Variants in LIPH observed in about 807,000 individuals in gnomAD.
LIPH encodes the protein lipase member H.
LIPH carries 32 observed loss-of-function variants against 47.6 expected under a neutral mutation model. The observed-to-expected ratio is 0.67, with a 90% confidence interval of 0.51 to 0.90. The LOEUF (loss-of-function observed/expected upper bound fraction) is 0.90, where lower values mean the gene tolerates loss of function less well. LIPH is among the 40% of genes least tolerant of loss of function. The pLI is 0.00. For missense variants in LIPH, 497 were observed against 541.4 expected (o/e 0.92, Z 0.81); for synonymous variants, 190 against 195.6 (o/e 0.97, Z 0.24).
intron 9 of LIPH, among the ~76,000 whole-genome samples, chr3:185,510,192 G>A (rs1262533354): frequency 2.0e-5 from 3 of 151,948 alleles, no homozygotes; most frequent in Admixed American, 1.3e-4. Context: ...CAGGTGATCC[G>A]CCCACTTTGG....
At chr3:185,538,391 A>T (rs542679499) in intron 1 of LIPH, among the ~76,000 whole-genome samples, 1 of 152,196 alleles carries the variant, frequency 6.6e-6, no homozygotes, top group Non-Finnish European at 1.5e-5. Context: ...GACATGTGTC[A>T]TATAAAAGAG....
intron 5 of LIPH, among the ~76,000 whole-genome samples, chr3:185,522,671 AAAGAAAGAAAGAAAGAAAG>A (rs1167260090): frequency 2.9e-5 from 1 of 34,086 alleles, no homozygotes; most frequent in African/African-American, 1.6e-4. Flanking sequence ...AGAAAGAAAG[AAAGAAAGAAAGAAAGAAAG>A]AAAGAAAGAA....
chr3:185,534,687 G>T, intron 2 of LIPH, 78 bp downstream of exon 2: 1 of 1,451,272 alleles, frequency 6.9e-7, no homozygotes, highest in Non-Finnish European at 9.6e-7. Flanking sequence ...GCTCACTGTA[G>T]CTATCTCTTG....
In LIPH at chr3:185,534,969, GGTTTTCTT is replaced by G. The variant is rs2148959680; in HGVS notation, c.205_212del (p.Lys69HisfsTer19). The G allele has an allele frequency of 6.2e-7, 1 of 1,613,904 alleles. No homozygotes were observed. On this transcript the variant is annotated frameshift_variant, in exon 2 of 10. Coordinates refer to ENST00000296252, the MANE Select transcript of LIPH (RefSeq NM_139248.3). ...GCCTGAATCCATGGACAATGAAGGT[GGTTTTCTT>G]GGTCACATTCAAGTTCCCAAAAGCT...
chr3:185,545,679 C>G (rs551936), intron 1 of LIPH, among the ~76,000 whole-genome samples: 125,507 of 152,032 alleles, frequency 0.83, 52,168 homozygotes, highest in East Asian at 0.97. Context: ...TGGGAGACCA[C>G]CCTGGGCAAC....
intron 3 of LIPH, 59 bp downstream of exon 3, chr3:185,533,512 A>G (rs983724908): frequency 1.8e-6 from 2 of 1,092,086 alleles, no homozygotes; most frequent in African/African-American, 1.5e-5. Context: ...CCTACATAAT[A>G]CTCCCCCAGT....
In LIPH at chr3:185,514,538, G is replaced by T. The variant is rs745374447; in HGVS notation, c.983-17C>A. 2 of 941,320 alleles carry T rather than the reference G, an allele frequency of 2.1e-6. No homozygotes were observed. The highest frequency in any genetic ancestry group is 2.4e-5 in the East Asian group (1 of 41,894). The allele number at this position is 941,320 out of a possible 1,614,324, so 58.3% of individuals were successfully genotyped here. ...AATGATACACTGCAAAACAGAGAGAGAACACGGTAAGAGAGAGATACTACC... is the reference window on the plus strand; with the variant it reads ...AATGATACACTGCAAAACAGAGAGATAACACGGTAAGAGAGAGATACTACC... On this transcript the variant is annotated splice_polypyrimidine_tract_variant and intron_variant, in intron 7 of 9. Transcript: ENST00000296252.
At chr3:185,547,508 T>C (rs921600124) in intron 1 of LIPH, among the ~76,000 whole-genome samples, 4 of 152,146 alleles carry the variant, frequency 2.6e-5, no homozygotes, top group Non-Finnish European at 4.4e-5. Flanking sequence ...ACTGACTTGA[T>C]GCTGCCTGAA....
chr3:185,517,313 G>C (rs906191911), intron 6 of LIPH, 151 bp from the exon 7 acceptor site: 38 of 633,734 alleles, frequency 6.0e-5, no homozygotes, highest in Non-Finnish European at 1.0e-4. Flanking sequence ...GGGCCTGCAG[G>C]GTGACCCATC....
At chr3:185,522,654 G>GAAAAGAA (rs761771609) in intron 5 of LIPH, among the ~76,000 whole-genome samples, 2 of 30,670 alleles carry the variant, frequency 6.5e-5, no homozygotes, top group Non-Finnish European at 1.2e-4. Flanking sequence ...GAAAGAAAAA[G>GAAAAGAA]AAAGAAAGAA....
intron 2 of LIPH, among the ~76,000 whole-genome samples, 196 bp from the exon 3 acceptor site, chr3:185,533,875 G>A (rs984104017): frequency 1.3e-5 from 2 of 152,192 alleles, no homozygotes; most frequent in African/African-American, 4.8e-5. Context: ...GAGGCCCTAA[G>A]CTGAAGTCAT....
chr3:185,511,536 G>GC lies in LIPH; in HGVS notation c.1255dup (p.Ala419GlyfsTer12). On this transcript the variant is annotated frameshift_variant, in exon 9 of 10. Transcript: ENST00000296252. ...ACCCTCAGCTCACCTCTCCGGATGG[G>GC]CAAGGGACCTTAACTTCATTCGGAG... The GC allele has an allele frequency of 6.2e-7, 1 of 1,614,100 alleles. No homozygotes were observed. Among genetic ancestry groups the GC allele is most frequent in the Non-Finnish European group, 8.5e-7 (1 of 1,179,984 alleles).
chr3:185,509,596 G>A (rs1403675099), intron 9 of LIPH, among the ~76,000 whole-genome samples: 1 of 151,876 alleles, frequency 6.6e-6, no homozygotes, highest in Non-Finnish European at 1.5e-5. Flanking sequence ...CGCTACTACT[G>A]TACTCCAGCC....
intron 1 of LIPH, among the ~76,000 whole-genome samples, chr3:185,543,570 C>T (rs73885749): frequency 0.25 from 37,758 of 152,066 alleles, 4,826 homozygotes; most frequent in African/African-American, 0.31. Flanking sequence ...ACATAACTAA[C>T]ACAAATACTG....
At chr3:185,518,566 T>C (rs758378414) in intron 6 of LIPH, among the ~76,000 whole-genome samples, 15 of 151,208 alleles carry the variant, frequency 9.9e-5, no homozygotes, top group East Asian at 2.0e-4. Flanking sequence ...AGGCGTGAGC[T>C]ACCATGCCCA....
chr3:185,537,189 C>T (rs507293), intron 1 of LIPH, among the ~76,000 whole-genome samples: 140,945 of 152,286 alleles, frequency 0.93, 65,479 homozygotes, highest in East Asian at 0.99. Context: ...CCAGCCAAGC[C>T]TGCCATTTTA....
chr3:185,546,498 A>C (rs866654173), intron 1 of LIPH, among the ~76,000 whole-genome samples: 1 of 145,670 alleles, frequency 6.9e-6, no homozygotes, highest in Non-Finnish European at 1.5e-5. Context: ...CCATCTCTTT[A>C]AAAAAAAAAA....
In LIPH at chr3:185,552,495, T is replaced by A. The variant is rs1721080113; in HGVS notation, c.-24A>T. The A allele has an allele frequency of 1.3e-6, 2 of 1,535,734 alleles. No homozygotes were observed. Among genetic ancestry groups the A allele is most frequent in the East Asian group, 4.5e-5 (2 of 44,498 alleles). On this transcript the variant is annotated 5_prime_UTR_variant, in exon 1 of 10. It removes the in-frame stop codon of an upstream open reading frame in the 5' UTR. Coordinates refer to ENST00000296252, the MANE Select transcript of LIPH (RefSeq NM_139248.3). ...ATATGGAAACTGGAGAGATCGTGTG[T>A]CACATTCACAAGAATGATTTACTTC...
chr3:185,544,300 C>A (rs1227538304), intron 1 of LIPH, among the ~76,000 whole-genome samples: 1 of 151,476 alleles, frequency 6.6e-6, no homozygotes, highest in Non-Finnish European at 1.5e-5. Flanking sequence ...TTTTCTTGTA[C>A]TGAATTCTAC....
Sources: allele counts gnomAD v4.1 joint callset (sites outside exome capture counted in the v4.1 genomes callset), GRCh38; gene constraint gnomAD v4.1.1; transcripts MANE v1.5; gene names NCBI Gene and HGNC (gene_info 2026-07-23, HGNC 2026-07-21).